MAP4K1: variants seen among roughly 807,000 people sequenced by gnomAD.
MAP4K1 encodes mitogen-activated protein kinase kinase kinase kinase 1.
Under a neutral mutation model 122.8 loss-of-function variants are expected in MAP4K1, and 35 were observed. The ratio of observed to expected loss-of-function variants is 0.29; its 90% confidence interval spans 0.22 to 0.38. The LOEUF (loss-of-function observed/expected upper bound fraction) is 0.38. Among genes scored for constraint, MAP4K1 ranks in the 10% least tolerant of loss-of-function variants. The pLI, the probability that MAP4K1 is intolerant of heterozygous loss-of-function variation, is 1.00. For missense variants in MAP4K1, 791 were observed against 1,072.6 expected (o/e 0.74, Z 3.67); for synonymous variants, 412 against 421.3 (o/e 0.98, Z 0.27).
chr19:38,588,626 A>AC (rs34915875), intron 30 of MAP4K1, among the ~76,000 whole-genome samples: 49,785 of 151,542 alleles, frequency 0.33, 8,935 homozygotes, highest in South Asian at 0.5. Context: ...GGTGGCAGGC[A>AC]CTATAGTCCC....
chr19:38,606,281 G>A (rs992999779), intron 16 of MAP4K1, 66 bp from the exon 17 acceptor site: 8 of 782,942 alleles, frequency 1.0e-5, no homozygotes, highest in African/African-American at 5.2e-5. Flanking sequence ...AAGATGGCAT[G>A]GTTCTGGGCT....
rs55922338 is a variant in MAP4K1, at chr19:38,595,964, T to C, written c.2154A>G (p.Glu718=). The change falls in exon 27 of 31, where the codon GAA becomes GAG. Residue 718 remains glutamate, a synonymous_variant. Coordinates refer to ENST00000396857, the MANE Select transcript of MAP4K1 (RefSeq NM_001042600.3). ...RGPVQVTQVE[E]DMVMVLMDGS... The stretch of plus-strand genomic sequence containing the variant: ...CATCCATCAACACCATCACCATATC[T>C]TCCTCTACCTGGGTCACCTGCACGG... 0.047 allele frequency: 75,374 copies of C among 1,613,724 alleles called. 4,999 individuals carry two copies. Among genetic ancestry groups the C allele is most frequent in the East Asian group, 0.25 (11,389 of 44,824 alleles).
At position 38,617,298 on chromosome 19, in the gene MAP4K1, G is replaced by A. The variant is rs960691835; in HGVS notation, c.248+56C>T. The stretch of plus-strand genomic sequence containing the variant: ...ACTGAGGGTACCCCCATCAAGAAAT[G>A]GGGACTCCGGGTTAGGGGCTGGGCT... On this transcript the variant is annotated intron_variant, in intron 3 of 30. Coordinates refer to ENST00000396857, the MANE Select transcript of MAP4K1 (RefSeq NM_001042600.3). The surrounding 1 kb of genome is among the most constrained non-coding windows in gnomAD (Gnocchi z 4.1). 3 of 1,186,064 alleles carry A rather than the reference G, an allele frequency of 2.5e-6. No individual in the cohort carries two copies. The East Asian group carries it at 7.0e-5, about 28-fold the overall frequency. The allele number at this position is 1,186,064 out of a possible 1,614,324, so 73.5% of individuals were successfully genotyped here.
Position 38,596,390 on chromosome 19 carries a change from C to T in MAP4K1, c.2038G>A (p.Gly680Arg), listed in dbSNP as rs1456331217. The change falls in exon 26 of 31, where the codon GGG becomes AGG. Residue 680 changes from glycine to arginine, a missense_variant. By Grantham distance (125) the Gly-to-Arg change is moderately radical. Transcript: ENST00000396857. ...AAGAGCACCGACTTCCCCGGCCGCC[C>T]GGGGCTCACGCCGATGCACACAGCG... ...LPAVCIGVSPGRPGKSVLFHT... is the reference protein window; with the variant it reads ...LPAVCIGVSPRRPGKSVLFHT... 17 of 1,596,898 alleles carry T rather than the reference C, an allele frequency of 1.1e-5. No homozygotes were observed. The highest frequency in any genetic ancestry group is 2.2e-5 in the South Asian group (2 of 89,174).
At chr19:38,613,496 G>A (rs183034768) in intron 8 of MAP4K1, among the ~76,000 whole-genome samples, 1 of 152,054 alleles carries the variant, frequency 6.6e-6, no homozygotes, top group East Asian at 1.9e-4. Flanking sequence ...CTGCAATCCA[G>A]CCTGGGCCAC....
chr19:38,594,107 T>C lies in MAP4K1; in HGVS notation c.2341-770A>G, dbSNP rs74990833. ...CTCTATAGTGGTCCCCATTTTACAG[T>C]TGGGGAACAGAAGCTTAAAGAGAAG... On this transcript the variant is annotated intron_variant, in intron 29 of 30. Transcript: ENST00000396857. 8.0e-3 allele frequency among the ~76,000 whole-genome samples: 1,223 copies of C among 152,164 alleles called. 30 individuals are homozygous for C. The highest frequency in any genetic ancestry group is 0.059 in the East Asian group (307 of 5,174).
chr19:38,590,974 C>A (rs1322604473), intron 30 of MAP4K1, among the ~76,000 whole-genome samples: 1 of 144,422 alleles, frequency 6.9e-6, no homozygotes, highest in Non-Finnish European at 1.5e-5. Flanking sequence ...ATCACACACA[C>A]ACACACACAC....
intron 3 of MAP4K1, among the ~76,000 whole-genome samples, chr19:38,616,509 A>C (rs1003007031): frequency 6.6e-6 from 1 of 152,012 alleles, no homozygotes; most frequent in African/African-American, 2.4e-5. Context: ...TTTGGGCGGG[A>C]CCCCACTGCC....
intron 19 of MAP4K1, among the ~76,000 whole-genome samples, chr19:38,602,665 T>C (rs570231569): frequency 2.0e-5 from 3 of 148,240 alleles, no homozygotes; most frequent in Admixed American, 6.8e-5. Flanking sequence ...TATATACACA[T>C]GTACATATAT....
At position 38,612,118 on chromosome 19, in the gene MAP4K1, A is replaced by AAT. The variant is rs974347880; in HGVS notation, c.665+492_665+493insAT. Among the ~76,000 whole-genome samples, 14 of 151,302 alleles carry AAT rather than the reference A, an allele frequency of 9.3e-5. No homozygotes were observed. In the South Asian group the frequency reaches 2.7e-3, roughly 29 times the overall value. On this transcript the variant is annotated intron_variant, in intron 9 of 30. Coordinates refer to ENST00000396857, the MANE Select transcript of MAP4K1 (RefSeq NM_001042600.3). ...CATCTCAAAAATAAATAAATAAATA[A>AAT]AAATAAAAATAAATAAATAGGCTGG... is the stretch of plus-strand genomic sequence containing the variant.
At chr19:38,610,057 G>A (rs1247868780) in intron 11 of MAP4K1, 32 bp from the exon 12 acceptor site, 12 of 1,479,266 alleles carry the variant, frequency 8.1e-6, no homozygotes, top group Middle Eastern at 1.7e-4. Context: ...CGTATCCAGA[G>A]GGATGGTGTG....
Position 38,617,486 on chromosome 19 carries a change from G to A in MAP4K1, c.158-42C>T. 3 of 1,599,552 alleles carry A rather than the reference G, an allele frequency of 1.9e-6. No homozygotes were observed. The South Asian group carries it at 3.3e-5, about 18-fold the overall frequency. On this transcript the variant is annotated intron_variant, in intron 2 of 30. Transcript: ENST00000396857. This position sits in a 1 kb window ranked among gnomAD's most constrained non-coding sequence, Gnocchi z 4.1. ...AGAGAAAAGGCAGCTCGCATGGGGA[G>A]AGAGCTACAGGGGAGGTGATCCCAG... is the stretch of plus-strand genomic sequence containing the variant.
chr19:38,588,710 C>T (rs1270405180), intron 30 of MAP4K1, among the ~76,000 whole-genome samples: 1 of 151,194 alleles, frequency 6.6e-6, no homozygotes, highest in Non-Finnish European at 1.5e-5. Context: ...CGAGATAGCG[C>T]CAGTGCACTC....
chr19:38,615,409 G>A (rs2144745524), intron 4 of MAP4K1, among the ~76,000 whole-genome samples: 1 of 151,870 alleles, frequency 6.6e-6, no homozygotes, highest in African/African-American at 2.4e-5. Flanking sequence ...ACAGAGAAAC[G>A]GAGACAGATC....
chr19:38,592,621 A>G (rs918996587), intron 30 of MAP4K1: 3 of 151,740 alleles, frequency 2.0e-5, no homozygotes, highest in Non-Finnish European at 4.4e-5. Context: ...ATTAAAATTA[A>G]AAAATAAAAG....
chr19:38,602,600 GCATATACATATATATACA>G (rs1599703167), intron 19 of MAP4K1, among the ~76,000 whole-genome samples: 1 of 102,474 alleles, frequency 9.8e-6, no homozygotes, highest in Non-Finnish European at 2.1e-5. Context: ...ACATATATAC[GCATATACATATATATACA>G]CATATACATA....
chr19:38,591,480 GAGATCCACTGC>G (rs1390804831), intron 30 of MAP4K1, among the ~76,000 whole-genome samples: 1 of 140,918 alleles, frequency 7.1e-6, no homozygotes, highest in Non-Finnish European at 1.5e-5. Flanking sequence ...GCAGTGAGTG[GAGATCCACTGC>G]ACTCCAGCCT....
At chr19:38,606,347 C>G in intron 16 of MAP4K1, 132 bp from the exon 17 acceptor site, 1 of 579,966 alleles carries the variant, frequency 1.7e-6, no homozygotes, top group South Asian at 2.2e-5. Context: ...CTGGTTCTGC[C>G]TGGAGCAGAG....
rs769786941 is a variant in MAP4K1 at position 38,613,907 on chromosome 19, C to T, written c.506G>A (p.Arg169His). 4 of 1,612,762 alleles carry T rather than the reference C, an allele frequency of 2.5e-6. No individual in the cohort carries two copies. In the African/African-American group the frequency reaches 4.0e-5, roughly 16 times the overall value. The part of the protein sequence containing the change: ...SAQIGATLAR[R>H]LSFIGTPYWM... The stretch of plus-strand genomic sequence containing the variant: ...GTAGGGTGTCCCAATGAAAGAGAGG[C>T]GTCTGGCCAGTGTAGCCCCAATCTG... Residue 169 changes from arginine (R) to histidine (H), a missense_variant, in exon 8 of 31, where the codon CGC becomes CAC. Transcript: ENST00000396857.
Sources: allele counts gnomAD v4.1 joint callset (sites outside exome capture counted in the v4.1 genomes callset), GRCh38; gene constraint gnomAD v4.1.1; non-coding constraint Gnocchi (gnomAD v3.1); transcripts MANE v1.5; gene names NCBI Gene and HGNC (gene_info 2026-07-23, HGNC 2026-07-21).